SLAIN2: variants seen among roughly 807,000 people sequenced by gnomAD.
SLAIN2 encodes the protein SLAIN motif-containing protein 2.
SLAIN2 carries 31 observed loss-of-function variants against 56.6 expected under a neutral mutation model. The observed-to-expected ratio is 0.55, with a 90% CI of 0.41 to 0.74. The LOEUF is 0.74. Ranked by LOEUF, SLAIN2 falls within the 30% of genes least tolerant of loss-of-function variation. The pLI is 0.00. For synonymous variants in SLAIN2, 317 were observed against 284.9 expected, an observed-to-expected ratio of 1.11 and a Z score of -1.13; for missense variants, 777 against 754.2, an observed-to-expected ratio of 1.03 and a Z score of -0.35.
chr4:48,392,430 T>C (rs1716259086), intron 6 of SLAIN2, among the ~76,000 whole-genome samples: 2 of 152,220 alleles, frequency 1.3e-5, no homozygotes, highest in Non-Finnish European at 2.9e-5. Flanking sequence ...ATTATAGACG[T>C]TATTTAATAT....
intron 1 of SLAIN2, among the ~76,000 whole-genome samples, chr4:48,356,087 A>G (rs947708820): frequency 6.6e-6 from 1 of 152,170 alleles, no homozygotes; most frequent in African/African-American, 2.4e-5. Context: ...CATTAAGTTG[A>G]CAAACTATTA....
chr4:48,364,361 G>A (rs1413961412), intron 1 of SLAIN2, among the ~76,000 whole-genome samples: 13 of 86,260 alleles, frequency 1.5e-4, no homozygotes, highest in Non-Finnish European at 3.1e-4. Flanking sequence ...ATGGGATGGC[G>A]GCCGGGTGGA....
At chr4:48,343,569 G>A (rs1487596542) in intron 1 of SLAIN2, among the ~76,000 whole-genome samples, 1 of 152,184 alleles carries the variant, frequency 6.6e-6, no homozygotes, top group Non-Finnish European at 1.5e-5. Flanking sequence ...AAGAGTGATA[G>A]AACAAAGAGT....
intron 6 of SLAIN2, among the ~76,000 whole-genome samples, chr4:48,387,208 A>G (rs376980720): frequency 6.1e-4 from 93 of 152,328 alleles, no homozygotes; most frequent in African/African-American, 2.1e-3. Flanking sequence ...AAACAGAAGA[A>G]AAAACAAAAG....
intron 2 of SLAIN2, among the ~76,000 whole-genome samples, chr4:48,377,025 A>C (rs1715835671): frequency 6.6e-6 from 1 of 151,108 alleles, no homozygotes; most frequent in Non-Finnish European, 1.5e-5. Context: ...GGCGATTTAA[A>C]CAACTTATTT....
intron 6 of SLAIN2, among the ~76,000 whole-genome samples, chr4:48,395,810 CTTTTTT>C (rs10649464): frequency 4.1e-5 from 3 of 72,772 alleles, no homozygotes; most frequent in Middle Eastern, 8.2e-3. Flanking sequence ...GAACCTTAGG[CTTTTTT>C]TTTTTTTTTT....
At chr4:48,375,310 A>G (rs1715780777) in intron 2 of SLAIN2, among the ~76,000 whole-genome samples, 1 of 152,174 alleles carries the variant, frequency 6.6e-6, no homozygotes, top group Non-Finnish European at 1.5e-5. Context: ...TTTATCTTGC[A>G]TCTTGTCTCA....
intron 6 of SLAIN2, among the ~76,000 whole-genome samples, chr4:48,410,900 C>CA (rs1023477367): frequency 1.9e-4 from 29 of 152,166 alleles, no homozygotes; most frequent in African/African-American, 6.8e-4. Context: ...ACAGGGTCGA[C>CA]AAAGTTGCTG....
At chr4:48,400,676 C>T (rs1716527343) in intron 6 of SLAIN2, among the ~76,000 whole-genome samples, 1 of 152,144 alleles carries the variant, frequency 6.6e-6, no homozygotes, top group Admixed American at 6.5e-5. Flanking sequence ...GTTGGGATTA[C>T]AGGCGTGAGC....
chr4:48,414,175 C>G (rs1476113367), intron 6 of SLAIN2, among the ~76,000 whole-genome samples: 1 of 152,074 alleles, frequency 6.6e-6, no homozygotes, highest in Non-Finnish European at 1.5e-5. Context: ...ATGCCTGACT[C>G]GAGTGTAATT....
chr4:48,396,759 C>CG (rs1716400522), intron 6 of SLAIN2, among the ~76,000 whole-genome samples: 2 of 152,046 alleles, frequency 1.3e-5, no homozygotes, highest in Non-Finnish European at 2.9e-5. Context: ...GCTAATATAT[C>CG]GTAGGGGTGA....
chr4:48,425,499 T>A lies in SLAIN2; in HGVS notation c.*3422T>A, dbSNP rs976256441. ...AAGAATTGTACACTGTTTAATGAGT[T>A]CTCCATATTCCTTTAGGAGATATTT... On this transcript the variant is annotated 3_prime_UTR_variant, in exon 8 of 8. Transcript: ENST00000264313. 2 of 152,274 alleles carry A rather than the reference T, an allele frequency of 1.3e-5. No homozygotes were observed. 9.4% of individuals were successfully genotyped at this position (152,274 alleles called of 1,614,324 possible).
intron 6 of SLAIN2, among the ~76,000 whole-genome samples, chr4:48,417,941 A>G (rs540831219): frequency 6.6e-6 from 1 of 152,272 alleles, no homozygotes; most frequent in Non-Finnish European, 1.5e-5. Flanking sequence ...CAGTGTTTGT[A>G]TTTTTATCCA....
intron 6 of SLAIN2, among the ~76,000 whole-genome samples, chr4:48,410,986 C>G (rs1431638234): frequency 2.6e-5 from 4 of 152,174 alleles, no homozygotes; most frequent in South Asian, 4.1e-4. Context: ...CTTCCCTTCC[C>G]TCTTCCATTG....
chr4:48,345,428 C>T (rs1714837973), intron 1 of SLAIN2, among the ~76,000 whole-genome samples: 1 of 152,032 alleles, frequency 6.6e-6, no homozygotes, highest in South Asian at 2.1e-4. Flanking sequence ...ATACATGGTT[C>T]CCAGAGTTGT....
chr4:48,386,664 A>G (rs1249944975), intron 6 of SLAIN2, among the ~76,000 whole-genome samples: 1 of 152,218 alleles, frequency 6.6e-6, no homozygotes, highest in Non-Finnish European at 1.5e-5. Context: ...TGTAACTGAG[A>G]GTGCCATTAT....
At chr4:48,395,935 T>C (rs1716369132) in intron 6 of SLAIN2, among the ~76,000 whole-genome samples, 1 of 151,054 alleles carries the variant, frequency 6.6e-6, no homozygotes, top group South Asian at 2.1e-4. Context: ...GAGATCACTA[T>C]ACCATAATAA....
intron 6 of SLAIN2, among the ~76,000 whole-genome samples, chr4:48,408,154 TAGTG>T (rs1455002160): frequency 6.6e-6 from 1 of 151,892 alleles, no homozygotes; most frequent in Non-Finnish European, 1.5e-5. Flanking sequence ...CTGGGCAACA[TAGTG>T]AGACTACATC....
chr4:48,352,158 T>C (rs948470319), intron 1 of SLAIN2, among the ~76,000 whole-genome samples: 2 of 152,200 alleles, frequency 1.3e-5, no homozygotes, highest in African/African-American at 2.4e-5. Flanking sequence ...GTGGCAATAG[T>C]ATGTAGGCGA....
Sources: gnomAD v4.1 joint callset for allele counts (sites outside exome capture counted in the v4.1 genomes callset) on GRCh38, gnomAD v4.1.1 for gene constraint, MANE v1.5 for transcripts, NCBI Gene and HGNC (gene_info 2026-07-23, HGNC 2026-07-21) for gene names.